FOXP1: variants seen among roughly 807,000 people sequenced by gnomAD.
The protein encoded by FOXP1 is forkhead box protein P1.
In FOXP1, 15 loss-of-function variants were observed where a neutral mutation model predicts 98.2. That is an observed-to-expected ratio of 0.15 (90% CI 0.10 to 0.24). The LOEUF is 0.24. Among genes scored for constraint, FOXP1 ranks in the 10% least tolerant of loss-of-function variants. The pLI, the probability that FOXP1 is intolerant of heterozygous loss-of-function variation, is 1.00. For missense variants in FOXP1, 633 were observed against 848.5 expected, an observed-to-expected ratio of 0.75 and a Z score of 3.15; for synonymous variants, 371 against 314.5, an observed-to-expected ratio of 1.18 and a Z score of -1.90.
At chr3:71,356,204 T>G (rs1316765431) in intron 4 of FOXP1, among the ~76,000 whole-genome samples, 1 of 133,872 alleles carries the variant, frequency 7.5e-6, no homozygotes, top group Non-Finnish European at 1.5e-5. Flanking sequence ...GACCATTGTC[T>G]GACTAAGTCA....
At chr3:71,216,975 C>G (rs1393315612) in intron 5 of FOXP1, among the ~76,000 whole-genome samples, 2 of 152,320 alleles carry the variant, frequency 1.3e-5, no homozygotes, top group East Asian at 1.9e-4. Flanking sequence ...AGAGCCCCTA[C>G]AGTAAAAATT....
At chr3:71,362,710 T>C (rs1027604026) in intron 3 of FOXP1, among the ~76,000 whole-genome samples, 9 of 152,346 alleles carry the variant, frequency 5.9e-5, no homozygotes, top group Middle Eastern at 3.4e-3. Flanking sequence ...CCTCAAGCAA[T>C]CTGCCTGCCT....
At chr3:71,512,993 T>C (rs1293879403) in intron 2 of FOXP1, among the ~76,000 whole-genome samples, 5 of 152,198 alleles carry the variant, frequency 3.3e-5, no homozygotes, top group East Asian at 3.8e-4. Context: ...ATCCCTGAGA[T>C]ACTAGTAAGG....
At chr3:71,064,374 TC>T (rs2052045138) in intron 7 of FOXP1, among the ~76,000 whole-genome samples, 1 of 151,938 alleles carries the variant, frequency 6.6e-6, no homozygotes. Flanking sequence ...CCCAGATACG[TC>T]CCCCGAACGG....
chr3:71,318,886 G>A (rs573946168), intron 4 of FOXP1, among the ~76,000 whole-genome samples: 1 of 152,254 alleles, frequency 6.6e-6, no homozygotes, highest in East Asian at 1.9e-4. Flanking sequence ...TCACTTCTTG[G>A]AATACCAAAA....
Position 71,444,355 on chromosome 3 carries a change from C to A in FOXP1, c.-168+49071G>T, listed in dbSNP as rs188885286. On this transcript the variant is annotated intron_variant, in intron 3 of 20. Transcript: ENST00000649528. ...TGTTGCTCCAAGTCAGAGAGGAGGC[C>A]TCAAACAATCAAGGATTTTTTTTTT... Among the ~76,000 whole-genome samples the A allele has an allele frequency of 2.0e-5, 3 of 151,382 alleles. No individual in the cohort carries two copies. The Admixed American group carries it at 2.0e-4, about 10-fold the overall frequency.
At chr3:71,093,089 C>A (rs1379272771) in intron 7 of FOXP1, among the ~76,000 whole-genome samples, 1 of 151,646 alleles carries the variant, frequency 6.6e-6, no homozygotes, top group African/African-American at 2.4e-5. Context: ...GGTGAAACCC[C>A]GTCTCTACTA....
chr3:71,277,876 G>A (rs2071080132), intron 5 of FOXP1, among the ~76,000 whole-genome samples: 1 of 151,918 alleles, frequency 6.6e-6, no homozygotes, highest in Non-Finnish European at 1.5e-5. Context: ...GTGGGGTAAG[G>A]TGGCAGGATC....
chr3:71,146,954 T>G (rs72949386), intron 6 of FOXP1, among the ~76,000 whole-genome samples: 4,833 of 152,286 alleles, frequency 0.032, 275 homozygotes, highest in African/African-American at 0.11. Flanking sequence ...TGGCGCCCAG[T>G]GAGCAAGGTT....
chr3:71,210,877 A>C (rs2064404557), intron 5 of FOXP1: 1 of 152,228 alleles, frequency 6.6e-6, no homozygotes, highest in South Asian at 2.1e-4. Flanking sequence ...GCTCTTGTCC[A>C]GTTCTCCTGA....
intron 6 of FOXP1, among the ~76,000 whole-genome samples, chr3:71,193,853 A>G (rs192638476): frequency 7.9e-4 from 120 of 152,244 alleles, no homozygotes; most frequent in Non-Finnish European, 1.5e-3. Flanking sequence ...GACCTCCTTC[A>G]ATGGTTCATT....
rs771667463 is a variant in FOXP1 at position 70,965,883 on chromosome 3, T to A, written c.1889+7A>T. The A allele has an allele frequency of 6.2e-7, 1 of 1,613,616 alleles. No homozygotes were observed. The highest frequency in any genetic ancestry group is 8.5e-7 in the Non-Finnish European group (1 of 1,179,948). ...TAGCAAAGACCTGTTGGGTGGACAA[T>A]ACTCACACGGCTTGCATAGGAGATC... On this transcript the variant is annotated splice_region_variant and intron_variant, in intron 20 of 20. Transcript: ENST00000649528.
At chr3:71,398,643 A>G (rs538513863) in intron 3 of FOXP1, among the ~76,000 whole-genome samples, 1 of 152,290 alleles carries the variant, frequency 6.6e-6, no homozygotes, top group South Asian at 2.1e-4. Flanking sequence ...ACATCACTCA[A>G]TTGTGCCTTC....
chr3:70,994,014 GA>G (rs1319451173), intron 13 of FOXP1, among the ~76,000 whole-genome samples: 1 of 148,590 alleles, frequency 6.7e-6, no homozygotes, highest in South Asian at 2.2e-4. Flanking sequence ...AAAAGAAAAA[GA>G]AAAAGAAAAA....
At chr3:71,183,822 A>C (rs1224722771) in intron 6 of FOXP1, among the ~76,000 whole-genome samples, 1 of 152,102 alleles carries the variant, frequency 6.6e-6, no homozygotes, top group Non-Finnish European at 1.5e-5. Context: ...TACAGAATAA[A>C]GTACTTTAGG....
At chr3:71,187,325 C>G (rs1185732186) in intron 6 of FOXP1, among the ~76,000 whole-genome samples, 1 of 152,192 alleles carries the variant, frequency 6.6e-6, no homozygotes, top group Non-Finnish European at 1.5e-5. Context: ...GTGGCTTACA[C>G]CTATAATCCC....
intron 3 of FOXP1, among the ~76,000 whole-genome samples, chr3:71,403,606 T>C (rs546903372): frequency 6.6e-6 from 1 of 152,350 alleles, no homozygotes; most frequent in African/African-American, 2.4e-5. Context: ...CCCAATACTT[T>C]GGGAGGCCAA....
intron 14 of FOXP1, among the ~76,000 whole-genome samples, chr3:70,979,316 A>AAAAAAAAAAAAAAAAAAAAAG (rs1553670621): frequency 8.3e-5 from 8 of 96,500 alleles, no homozygotes; most frequent in Non-Finnish European, 1.0e-4. Context: ...AAAAAAAAAA[A>AAAAAAAAAAAAAAAAAAAAAG]AAAAGAAAAA....
At chr3:71,220,156 G>A (rs865874508) in intron 5 of FOXP1, among the ~76,000 whole-genome samples, 3 of 152,188 alleles carry the variant, frequency 2.0e-5, no homozygotes, top group Admixed American at 2.0e-4. Context: ...ATGTTTACCT[G>A]TAAGCTAGGG....
Sources: allele counts gnomAD v4.1 joint callset (sites outside exome capture counted in the v4.1 genomes callset), GRCh38; gene constraint gnomAD v4.1.1; transcripts MANE v1.5; gene names NCBI Gene and HGNC (gene_info 2026-07-23, HGNC 2026-07-21).